CUL4B: variants seen among roughly 807,000 people sequenced by gnomAD.
CUL4B encodes cullin 4B.
In CUL4B, 1 loss-of-function variant was observed where a neutral mutation model predicts 69.2. The observed-to-expected ratio is 0.01, with a 90% CI of 0.01 to 0.07. CUL4B has a LOEUF of 0.07. Ranked by LOEUF, CUL4B falls within the 10% of genes least tolerant of loss-of-function variation. The pLI is 1.00. For synonymous variants in CUL4B, 237 were observed against 223.2 expected, an observed-to-expected ratio of 1.06 and a Z score of -0.55; for missense variants, 328 against 638.8, an observed-to-expected ratio of 0.51 and a Z score of 5.24.
Position 120,560,366 on chromosome X carries a change from A to G in CUL4B, c.273T>C (p.Ala91=). 2 of 1,207,595 alleles carry G rather than the reference A, an allele frequency of 1.7e-6. No individual in the cohort carries two copies. Among genetic ancestry groups the G allele is most frequent in the Non-Finnish European group, 2.2e-6 (2 of 892,837 alleles). Residue 91 remains alanine, a synonymous_variant, in exon 1 of 20, where the codon GCT becomes GCC. Transcript: ENST00000371322. ...TCTTCTGTATCGGTACGTGGCTGGAAGCAGCCACTGAAACCCCCAGGCAGA... is the reference window on the plus strand; with the variant it reads ...TCTTCTGTATCGGTACGTGGCTGGAGGCAGCCACTGAAACCCCCAGGCAGA... ...SSFCLGVSVA[A]SSHVPIQKKL...
chrX:120,574,729 C>T, intron 1 of CUL4B: 1 of 682,058 alleles, frequency 1.5e-6, no homozygotes, highest in Non-Finnish European at 2.4e-6. Context: ...CCAATTTTAT[C>T]CTATTTGTTC....
intron 18 of CUL4B, among the ~76,000 whole-genome samples, chrX:120,531,237 G>A (rs1190849313): frequency 9.2e-6 from 1 of 108,694 alleles, no homozygotes; most frequent in South Asian, 4.1e-4. Context: ...CAGGATAATC[G>A]CTTGAACCTG....
rs1011701823 is a variant in CUL4B at position 120,543,635 on chromosome X, G to C, written c.1256+92C>G. On this transcript the variant is annotated intron_variant, in intron 8 of 19. Coordinates refer to ENST00000371322, the MANE Select transcript of CUL4B (RefSeq NM_001079872.2). The stretch of plus-strand genomic sequence containing the variant: ...ACTGTTAACACTTCAAATCACACCT[G>C]AAAACAGTTACTAACATGTTTAGGA... 29 of 630,677 alleles carry C rather than the reference G, an allele frequency of 4.6e-5. No homozygotes were observed. In the African/African-American group the frequency reaches 6.3e-4, roughly 14 times the overall value. The allele number at this position is 630,677 out of a possible 1,213,427, so 52.0% of individuals were successfully genotyped here. A position where few individuals can be genotyped will look rare whatever the true frequency, so the allele number is the denominator to read the frequency against.
upstream of CUL4B, chrX:120,561,126 T>C: frequency 1.0e-6 from 1 of 1,001,428 alleles, no homozygotes; most frequent in Non-Finnish European, 1.3e-6. Flanking sequence ...GGAGGGGCGG[T>C]GTCAACCTCA....
chrX:120,531,581 T>C (rs1923320468), intron 18 of CUL4B, among the ~76,000 whole-genome samples: 1 of 108,032 alleles, frequency 9.3e-6, no homozygotes, highest in Non-Finnish European at 1.9e-5. Flanking sequence ...TGCCTCAGCC[T>C]CCCAAGTAGC....
At chrX:120,557,565 G>A (rs1386966593) in intron 2 of CUL4B, among the ~76,000 whole-genome samples, 6 of 111,950 alleles carry the variant, frequency 5.4e-5, no homozygotes, top group African/African-American at 1.9e-4. Flanking sequence ...CCTTTCCTAT[G>A]GGTAGGTAAC....
downstream of CUL4B, among the ~76,000 whole-genome samples, chrX:120,568,340 T>C (rs1366677809): frequency 1.8e-5 from 2 of 112,026 alleles, no homozygotes; most frequent in African/African-American, 6.5e-5. Flanking sequence ...TGACAGCTTA[T>C]CTAAGCTGCC....
chrX:120,547,002 C>T (rs921810761), intron 3 of CUL4B, 134 bp downstream of exon 3: 6 of 483,673 alleles, frequency 1.2e-5, no homozygotes, highest in African/African-American at 4.8e-5. Context: ...GTTTCTTTCT[C>T]GAGAAACACA....
chrX:120,532,658 A>C (rs975050744), intron 17 of CUL4B, 64 bp from the exon 18 acceptor site: 1 of 967,488 alleles, frequency 1.0e-6, no homozygotes, highest in African/African-American at 1.9e-5. Flanking sequence ...ATTCTACCTC[A>C]ATCTAGCTTC....
In CUL4B at chrX:120,560,721, T is replaced by A. The variant is rs1447613648; in HGVS notation, c.-83A>T. 4 of 1,099,064 alleles carry A rather than the reference T, an allele frequency of 3.6e-6. No homozygotes were observed. In the African/African-American group the frequency reaches 8.3e-5, roughly 23 times the overall value. 90.6% of individuals were successfully genotyped at this position (1,099,064 alleles called of 1,213,427 possible). ...GTGCGTGTAGGAGAGAAGGTAGCAA[T>A]GCTAGAGGGGGAAGGGAAGAAAGAA... On this transcript the variant is annotated 5_prime_UTR_variant, in exon 1 of 20. Transcript: ENST00000371322.
At chrX:120,559,661 G>C in intron 1 of CUL4B, 1 of 394,956 alleles carries the variant, frequency 2.5e-6, no homozygotes, top group Non-Finnish European at 4.1e-6. Flanking sequence ...ATTGCTACCT[G>C]CATTTCTAGG....
downstream of CUL4B, among the ~76,000 whole-genome samples, chrX:120,567,443 T>A (rs184395972): frequency 5.2e-4 from 57 of 110,496 alleles, no homozygotes; most frequent in East Asian, 0.011. Context: ...TAGATTTAAA[T>A]CCAGGGTTCC....
At chrX:120,568,378 A>AT (rs1198695784), downstream of CUL4B, among the ~76,000 whole-genome samples, 3 of 112,129 alleles carry the variant, frequency 2.7e-5, no homozygotes, top group Non-Finnish European at 5.6e-5. Context: ...AAATTTAAAT[A>AT]TTTTTTATAA....
In CUL4B at chrX:120,538,676, C is replaced by G. The variant is rs910023457; in HGVS notation, c.1836G>C (p.Leu612=). 5.1e-6 allele frequency: 6 copies of G among 1,186,837 alleles called. No homozygotes were observed. Among genetic ancestry groups the G allele is most frequent in the Non-Finnish European group, 5.7e-6 (5 of 873,382 alleles). ...SASVDAEKSM[L]SKLKHECGAA... ...GAAACCTACCATGTTTAAGTTTGGA[C>G]AGCATTGATTTTTCAGCATCTACAG... is the stretch of plus-strand genomic sequence containing the variant. Residue 612 remains leucine (L), a synonymous_variant, in exon 13 of 20, where the codon CTG becomes CTC. Transcript: ENST00000371322.
chrX:120,534,326 G>A (rs1034486542), intron 17 of CUL4B, among the ~76,000 whole-genome samples, 155 bp downstream of exon 17: 1 of 107,479 alleles, frequency 9.3e-6, no homozygotes, highest in African/African-American at 3.4e-5. Flanking sequence ...CTGGACCCCA[G>A]CCTGGGTGAC....
chrX:120,569,813 A>G (rs1289239254), downstream of CUL4B, among the ~76,000 whole-genome samples: 1 of 111,686 alleles, frequency 9.0e-6, no homozygotes, highest in Non-Finnish European at 1.9e-5. Context: ...AATTAAGAAT[A>G]GCTTCCAGAG....
At chrX:120,534,917 A>T (rs958885453) in intron 16 of CUL4B, among the ~76,000 whole-genome samples, 1 of 111,812 alleles carries the variant, frequency 8.9e-6, no homozygotes, top group African/African-American at 3.3e-5. Context: ...TGTATTTTTG[A>T]TTTGTTTGGC....
At chrX:120,566,741 A>T (rs1393856043), downstream of CUL4B, among the ~76,000 whole-genome samples, 1 of 110,960 alleles carries the variant, frequency 9.0e-6, no homozygotes, top group Non-Finnish European at 1.9e-5. Flanking sequence ...CATCGCCTGA[A>T]GTTACTGACT....
At chrX:120,573,241 T>C (rs1925766913) in intron 2 of CUL4B, among the ~76,000 whole-genome samples, 1 of 111,607 alleles carries the variant, frequency 9.0e-6, no homozygotes, top group African/African-American at 3.3e-5. Flanking sequence ...ATTTGCTTTT[T>C]TCGCTTAATA....
Sources: gnomAD v4.1 joint callset for allele counts (sites outside exome capture counted in the v4.1 genomes callset) on GRCh38, gnomAD v4.1.1 for gene constraint, MANE v1.5 for transcripts, NCBI Gene and HGNC (gene_info 2026-07-23, HGNC 2026-07-21) for gene names.